Variants in EYS observed in about 807,000 individuals in gnomAD.
EYS encodes the protein EGF-like photoreceptor maintenance factor, also known as protein eyes shut homolog.
A neutral mutation model predicts 282.1 loss-of-function variants in EYS; 250 were observed. The ratio of observed to expected loss-of-function variants is 0.89; its 90% CI spans 0.80 to 0.98. The LOEUF is 0.98. Among genes scored for constraint, EYS ranks in the 50% least tolerant of loss-of-function variants. The pLI is 0.00. For missense variants in EYS, 4,016 were observed against 3,709.0 expected (o/e 1.08, Z -2.15); for synonymous variants, 1,355 against 1,282.9 (o/e 1.06, Z -1.20).
At chr6:65,290,936 G>GA (rs913614927) in intron 12 of EYS, among the ~76,000 whole-genome samples, 3 of 150,764 alleles carry the variant, frequency 2.0e-5, no homozygotes, top group Non-Finnish European at 4.5e-5. Flanking sequence ...AATTCAGGAA[G>GA]AAAAAAAATG....
chr6:64,576,850 C>T (rs772965329), intron 26 of EYS, among the ~76,000 whole-genome samples: 28 of 152,024 alleles, frequency 1.8e-4, no homozygotes, highest in Non-Finnish European at 3.5e-4. Context: ...ATTATATTCC[C>T]CCAGTGACAT....
At chr6:64,491,799 C>A (rs925872788) in intron 26 of EYS, among the ~76,000 whole-genome samples, 1 of 147,256 alleles carries the variant, frequency 6.8e-6, no homozygotes, top group Admixed American at 6.9e-5. Context: ...CTTTGTACTG[C>A]AGGTTTCTTA....
intron 41 of EYS, among the ~76,000 whole-genome samples, chr6:63,748,305 G>T (rs186829231): frequency 2.6e-5 from 4 of 152,258 alleles, no homozygotes; most frequent in Non-Finnish European, 5.9e-5. Context: ...CTTTGCTATT[G>T]TTGAACCAAC....
intron 30 of EYS, among the ~76,000 whole-genome samples, chr6:64,267,175 T>C (rs2150355700): frequency 6.6e-6 from 1 of 152,282 alleles, no homozygotes; most frequent in East Asian, 1.9e-4. Flanking sequence ...TTATTTATCC[T>C]AACTTTTTTG....
chr6:64,922,491 G>C (rs1174159809), intron 15 of EYS, among the ~76,000 whole-genome samples: 1 of 152,106 alleles, frequency 6.6e-6, no homozygotes, highest in Non-Finnish European at 1.5e-5. Context: ...ATTACAGCTA[G>C]ATAATTTTAA....
chr6:65,691,920 T>G lies in EYS; in HGVS notation c.-448+15215A>C, dbSNP rs538239307. Among the ~76,000 whole-genome samples, 5 of 150,328 alleles carry G rather than the reference T, an allele frequency of 3.3e-5. No individual in the cohort carries two copies. The South Asian group carries it at 1.1e-3, about 32-fold the overall frequency. ...TGTGTGGTGTTTCTGAGGCCTCCGT[T>G]AAGTTCCATTGGTCTATATATCTGT... On this transcript the variant is annotated intron_variant, in intron 1 of 42. Coordinates refer to ENST00000503581, the MANE Select transcript of EYS (RefSeq NM_001142800.2).
intron 13 of EYS, among the ~76,000 whole-genome samples, chr6:65,021,889 G>C (rs578051384): frequency 1.3e-5 from 2 of 152,218 alleles, no homozygotes; most frequent in South Asian, 4.1e-4. Flanking sequence ...CAAAAGAGGG[G>C]AAAGCCCTTT....
chr6:65,004,508 T>C (rs1323641337), intron 13 of EYS, among the ~76,000 whole-genome samples: 1 of 147,736 alleles, frequency 6.8e-6, no homozygotes, highest in East Asian at 2.1e-4. Flanking sequence ...CTCATTGACA[T>C]TGATCTCACA....
rs899208199 is a variant in EYS, at chr6:64,909,618, T to G, written c.2641+2866A>C. Among the ~76,000 whole-genome samples the G allele has an allele frequency of 3.7e-4, 57 of 152,220 alleles. 1 individual carries two copies. Among genetic ancestry groups the G allele is most frequent in the African/African-American group, 1.3e-3 (52 of 41,554 alleles). ...TGTTCATTATTCATAGAGACCCAATTAATCACCGCAGTTTTAGTCAGAAGA... is the reference window on the plus strand; with the variant it reads ...TGTTCATTATTCATAGAGACCCAATGAATCACCGCAGTTTTAGTCAGAAGA... On this transcript the variant is annotated intron_variant, in intron 16 of 42. Coordinates refer to ENST00000503581, the MANE Select transcript of EYS (RefSeq NM_001142800.2).
chr6:64,137,036 C>T (rs148590666), intron 31 of EYS, among the ~76,000 whole-genome samples: 2 of 152,266 alleles, frequency 1.3e-5, no homozygotes, highest in Non-Finnish European at 2.9e-5. Context: ...TAACGACCTT[C>T]ATCAATGATC....
At chr6:64,657,191 G>C (rs571229427) in intron 22 of EYS, among the ~76,000 whole-genome samples, 1 of 151,724 alleles carries the variant, frequency 6.6e-6, no homozygotes, top group Non-Finnish European at 1.5e-5. Flanking sequence ...GCCTTTTTTT[G>C]TTTTCCATTT....
intron 13 of EYS, among the ~76,000 whole-genome samples, chr6:65,053,697 C>G (rs922714348): frequency 5.9e-5 from 9 of 151,842 alleles, no homozygotes; most frequent in Non-Finnish European, 1.2e-4. Flanking sequence ...AACATATACT[C>G]TGTACTTGCG....
intron 26 of EYS, among the ~76,000 whole-genome samples, chr6:64,473,806 C>T (rs1026787691): frequency 2.6e-5 from 4 of 152,132 alleles, no homozygotes; most frequent in African/African-American, 9.7e-5. Context: ...CTGTCGTCAA[C>T]ATGATTTTAG....
At chr6:64,758,194 C>T (rs1277132508) in intron 22 of EYS, among the ~76,000 whole-genome samples, 1 of 152,032 alleles carries the variant, frequency 6.6e-6, no homozygotes, top group Non-Finnish European at 1.5e-5. Flanking sequence ...GATAGGGATC[C>T]TGGGAAAAAC....
chr6:64,731,503 C>A (rs1771964265), intron 22 of EYS, among the ~76,000 whole-genome samples: 1 of 152,124 alleles, frequency 6.6e-6, no homozygotes, highest in African/African-American at 2.4e-5. Flanking sequence ...GGGCGAAGGA[C>A]AGGAACAAAC....
chr6:64,016,817 G>T (rs531720064), intron 33 of EYS, among the ~76,000 whole-genome samples: 1 of 151,920 alleles, frequency 6.6e-6, no homozygotes, highest in East Asian at 1.9e-4. Flanking sequence ...TTTCTTATTC[G>T]TCTCTTGTTA....
chr6:63,735,987 C>T (rs915197543), intron 41 of EYS, among the ~76,000 whole-genome samples: 22 of 152,024 alleles, frequency 1.4e-4, no homozygotes, highest in Admixed American at 2.6e-4. Context: ...AATGTAGACC[C>T]GTATCACTAC....
intron 26 of EYS, among the ~76,000 whole-genome samples, chr6:64,542,111 G>T (rs558307529): frequency 6.6e-6 from 1 of 151,996 alleles, no homozygotes; most frequent in Non-Finnish European, 1.5e-5. Flanking sequence ...CTGAATATTA[G>T]TTGTCAAAAA....
At chr6:64,709,901 C>T (rs1043725357) in intron 22 of EYS, among the ~76,000 whole-genome samples, 3 of 152,094 alleles carry the variant, frequency 2.0e-5, no homozygotes, top group Non-Finnish European at 2.9e-5. Context: ...TTTTCTGGTG[C>T]TCTTCAGCTA....
Sources: allele counts gnomAD v4.1 joint callset (sites outside exome capture counted in the v4.1 genomes callset), GRCh38; gene constraint gnomAD v4.1.1; transcripts MANE v1.5; gene names NCBI Gene and HGNC (gene_info 2026-07-23, HGNC 2026-07-21).